The following PRKAR1A variants were observed in gnomAD, a reference collection of about 807,000 sequenced individuals.
PRKAR1A encodes cAMP-dependent protein kinase type I-alpha regulatory subunit.
PRKAR1A carries 3 observed loss-of-function variants against 52.0 expected under a neutral mutation model. The ratio of observed to expected loss-of-function variants is 0.06; its 90% CI spans 0.03 to 0.15. PRKAR1A has a LOEUF of 0.15. PRKAR1A is among the 10% of genes least tolerant of loss of function. The probability of loss-of-function intolerance (pLI) is 1.00; values close to 1 mark genes in which losing one functional copy is unlikely to be tolerated. For missense variants in PRKAR1A, 240 were observed against 477.4 expected (o/e 0.50, Z 4.63); for synonymous variants, 188 against 168.4 (o/e 1.12, Z -0.90).
At chr17:68,423,849 A>G in the PRKAR1A span, among the ~76,000 whole-genome samples, 1 of 152,234 alleles carries the variant, frequency 6.6e-6, no homozygotes, top group Non-Finnish European at 1.5e-5. The surrounding 1 kb of genome is among the most constrained non-coding windows in gnomAD (Gnocchi z 4.4). Context: ...TTCTGTAACT[A>G]TAAGAGGTTG....
chr17:68,420,936 TTC>T, the PRKAR1A span: 1 of 161,066 alleles, frequency 6.2e-6, no homozygotes, highest in Admixed American at 5.9e-5. Flanking sequence ...TCTCTCTCTT[TTC>T]TCTTTTTTTC....
At position 68,546,168 on chromosome 17, in the gene PRKAR1A, C is replaced by CA. The variant is rs750780505; in HGVS notation, c.974-4889dup. ...TGAGCAACAGAGCGAGACTCCATCT[C>CA]AAAAAAAAAAAAAAAAAAAAAAAAA... On this transcript the variant is annotated intron_variant, in intron 11 of 11. Coordinates refer to the PRKAR1A transcript ENST00000585981. 6.1e-3 allele frequency among the ~76,000 whole-genome samples: 601 copies of CA among 98,862 alleles called. 25 individuals carry two copies. Among genetic ancestry groups the CA allele is most frequent in the Non-Finnish European group, 8.8e-3 (453 of 51,288 alleles). 64.9% of individuals were successfully genotyped at this position (98,862 alleles called of 152,430 possible).
chr17:68,433,349 G>T, the PRKAR1A span: 1 of 958,180 alleles, frequency 1.0e-6, no homozygotes, highest in Non-Finnish European at 1.6e-6. Context: ...CTTAGGTGAA[G>T]TCCCAAGTGA....
the PRKAR1A span, among the ~76,000 whole-genome samples, chr17:68,464,304 T>C: frequency 6.6e-6 from 1 of 152,204 alleles, no homozygotes; most frequent in East Asian, 1.9e-4. Flanking sequence ...ACCTGATTCC[T>C]GTTTCTTCTA....
At chr17:68,466,409 C>CT in the PRKAR1A span, among the ~76,000 whole-genome samples, 12,204 of 118,340 alleles carry the variant, frequency 0.1, 1,292 homozygotes, top group African/African-American at 0.2. Flanking sequence ...TTTTCTCTCT[C>CT]TTTTTTTTTT....
At chr17:68,497,420 A>C in the PRKAR1A span, among the ~76,000 whole-genome samples, 4 of 152,200 alleles carry the variant, frequency 2.6e-5, no homozygotes, top group African/African-American at 9.7e-5. Flanking sequence ...TTGTGGGAAT[A>C]TGCTGTATCT....
chr17:68,521,078 G>A (rs1377642861), intron 2 of PRKAR1A, among the ~76,000 whole-genome samples: 2 of 151,914 alleles, frequency 1.3e-5, no homozygotes, highest in African/African-American at 2.4e-5. Flanking sequence ...AGTAGCTGGG[G>A]CTACAGGTGC....
At chr17:68,460,748 C>T in the PRKAR1A span, among the ~76,000 whole-genome samples, 1 of 152,104 alleles carries the variant, frequency 6.6e-6, no homozygotes, top group Non-Finnish European at 1.5e-5. Flanking sequence ...TCAAAAAGTA[C>T]CTCATAAGCT....
the PRKAR1A span, chr17:68,420,271 C>T: frequency 1.4e-5 from 22 of 1,613,960 alleles, no homozygotes; most frequent in Middle Eastern, 1.6e-4. Flanking sequence ...AAGACGATAC[C>T]GCAGAAGCTG....
At chr17:68,516,475 C>G (rs569632557) in intron 2 of PRKAR1A, among the ~76,000 whole-genome samples, 1 of 151,630 alleles carries the variant, frequency 6.6e-6, no homozygotes, top group Admixed American at 6.6e-5. Context: ...GAATCATATA[C>G]CAAAAGAAAT....
the PRKAR1A span, chr17:68,450,619 A>G: frequency 6.4e-6 from 9 of 1,400,872 alleles, no homozygotes; most frequent in Non-Finnish European, 8.7e-6. Context: ...TAACATTCTC[A>G]TTAGAATTGG....
the PRKAR1A span, among the ~76,000 whole-genome samples, chr17:68,447,394 T>C: frequency 6.6e-6 from 1 of 152,178 alleles, no homozygotes; most frequent in African/African-American, 2.4e-5. Context: ...ATTTTTATTT[T>C]TTATAGAGAC....
chr17:68,507,161 A>G (rs2085208793), upstream of PRKAR1A, among the ~76,000 whole-genome samples: 2 of 152,366 alleles, frequency 1.3e-5, no homozygotes, highest in Non-Finnish European at 1.5e-5. Context: ...ATTGACAAAA[A>G]CAAAGAAAGT....
At chr17:68,495,056 T>A in the PRKAR1A span, among the ~76,000 whole-genome samples, 1 of 152,190 alleles carries the variant, frequency 6.6e-6, no homozygotes, top group Non-Finnish European at 1.5e-5. Flanking sequence ...GGCTCTTTTT[T>A]TTGAGACTGG....
At chr17:68,428,424 G>A in the PRKAR1A span, 1 of 179,540 alleles carries the variant, frequency 5.6e-6, no homozygotes, top group Non-Finnish European at 1.2e-5. Flanking sequence ...GTATAGATGG[G>A]GTTTCACCAT....
chr17:68,501,944 C>G, the PRKAR1A span, among the ~76,000 whole-genome samples: 1 of 152,208 alleles, frequency 6.6e-6, no homozygotes, highest in African/African-American at 2.4e-5. Context: ...TGAGTCCTTC[C>G]TGTCTCCTCC....
chr17:68,527,930 G>A (rs757799726), intron 8 of PRKAR1A, 30 bp downstream of exon 8: 1 of 1,552,424 alleles, frequency 6.4e-7, no homozygotes, highest in East Asian at 2.2e-5. Context: ...AACTTTGCTA[G>A]TATGTGAGAT....
chr17:68,549,409 G>A (rs1417914045), intron 11 of PRKAR1A, among the ~76,000 whole-genome samples: 1 of 151,652 alleles, frequency 6.6e-6, no homozygotes, highest in East Asian at 1.9e-4. Context: ...CAGGATAATT[G>A]CTTGAACCTG....
downstream of PRKAR1A, chr17:68,535,808 A>AT (rs113263481): frequency 4.1e-4 from 181 of 437,180 alleles, no homozygotes; most frequent in South Asian, 2.2e-3. Context: ...TGCCCAGCTG[A>AT]TTTTTTTTTT....
Sources: allele counts gnomAD v4.1 joint callset (sites outside exome capture counted in the v4.1 genomes callset), GRCh38; gene constraint gnomAD v4.1.1; non-coding constraint Gnocchi (gnomAD v3.1); transcripts MANE v1.5; gene names NCBI Gene and HGNC (gene_info 2026-07-23, HGNC 2026-07-21).